PTPRD: variants seen among roughly 807,000 people sequenced by gnomAD.
The protein encoded by PTPRD is receptor-type tyrosine-protein phosphatase delta.
In PTPRD, 34 loss-of-function variants were observed where a neutral mutation model predicts 214.5. The ratio of observed to expected loss-of-function variants is 0.16; its 90% CI spans 0.12 to 0.21. The LOEUF (loss-of-function observed/expected upper bound fraction) is 0.21, where lower values mean the gene tolerates loss of function less well. PTPRD is among the 10% of genes least tolerant of loss of function. The pLI is 1.00. For synonymous variants in PTPRD, 1,128 were observed against 845.7 expected (o/e 1.33, Z -5.79); for missense variants, 2,545 against 2,398.7 (o/e 1.06, Z -1.27).
At chr9:9,949,912 A>C (rs534866498) in intron 4 of PTPRD, among the ~76,000 whole-genome samples, 302 of 152,172 alleles carry the variant, frequency 2.0e-3, no homozygotes, top group Non-Finnish European at 3.5e-3. Flanking sequence ...CAGTATTATC[A>C]AAAAATTTGT....
At chr9:9,066,067 A>G (rs1301481421) in intron 10 of PTPRD, among the ~76,000 whole-genome samples, 1 of 152,168 alleles carries the variant, frequency 6.6e-6, no homozygotes. Flanking sequence ...GGAGGGATTC[A>G]GTTTGTAAAT....
At chr9:9,889,051 G>A (rs774673946) in intron 5 of PTPRD, among the ~76,000 whole-genome samples, 7 of 152,250 alleles carry the variant, frequency 4.6e-5, no homozygotes, top group Admixed American at 1.3e-4. Context: ...TCACTCATAT[G>A]TGGAATCTAA....
At chr9:8,852,503 C>A (rs1033274360) in intron 11 of PTPRD, among the ~76,000 whole-genome samples, 3 of 152,042 alleles carry the variant, frequency 2.0e-5, no homozygotes, top group Non-Finnish European at 4.4e-5. Context: ...GCTGGAGGAG[C>A]CAAAGTGGGG....
At chr9:9,068,939 G>C (rs1453955958) in intron 10 of PTPRD, among the ~76,000 whole-genome samples, 1 of 151,926 alleles carries the variant, frequency 6.6e-6, no homozygotes, top group African/African-American at 2.4e-5. Context: ...GAAAATATTT[G>C]GACATCTGAA....
At chr9:10,478,723 T>A (rs572971053) in intron 2 of PTPRD, among the ~76,000 whole-genome samples, 10 of 151,416 alleles carry the variant, frequency 6.6e-5, no homozygotes, top group Non-Finnish European at 1.3e-4. Context: ...TATTCTGTAA[T>A]ATATATGTAT....
intron 8 of PTPRD, among the ~76,000 whole-genome samples, chr9:9,535,736 A>G (rs1283002167): frequency 6.6e-6 from 1 of 152,096 alleles, no homozygotes; most frequent in African/African-American, 2.4e-5. Context: ...GAAGTGTTAC[A>G]GAAAAACATT....
intron 10 of PTPRD, among the ~76,000 whole-genome samples, chr9:9,111,868 TACAAA>T (rs2099806571): frequency 6.6e-6 from 1 of 152,134 alleles, no homozygotes; most frequent in African/African-American, 2.4e-5. Context: ...CACTGCATGA[TACAAA>T]ACAAAACAAG....
At chr9:8,879,972 T>C (rs2098428421) in intron 11 of PTPRD, among the ~76,000 whole-genome samples, 1 of 152,230 alleles carries the variant, frequency 6.6e-6, no homozygotes, top group South Asian at 2.1e-4. Context: ...TCTCCCTCCC[T>C]GACTCCTTAA....
At chr9:10,571,023 G>A (rs1000647886) in intron 2 of PTPRD, among the ~76,000 whole-genome samples, 2 of 151,940 alleles carry the variant, frequency 1.3e-5, no homozygotes, top group African/African-American at 4.8e-5. Context: ...GCTGGTTTTT[G>A]TGGCATTTCC....
chr9:9,385,194 G>C (rs2140511236), intron 9 of PTPRD, among the ~76,000 whole-genome samples: 1 of 152,192 alleles, frequency 6.6e-6, no homozygotes, highest in South Asian at 2.1e-4. Context: ...TTGTCTGAAA[G>C]CCTTTAAAGT....
chr9:9,244,681 C>A (rs896447619), intron 9 of PTPRD, among the ~76,000 whole-genome samples: 1 of 152,074 alleles, frequency 6.6e-6, no homozygotes, highest in African/African-American at 2.4e-5. Flanking sequence ...ACCATAAAAA[C>A]CCTAGAAGAA....
intron 11 of PTPRD, among the ~76,000 whole-genome samples, chr9:8,764,256 G>A (rs2094573143): frequency 6.6e-6 from 1 of 152,102 alleles, no homozygotes; most frequent in East Asian, 1.9e-4. Flanking sequence ...TGAGCCATAT[G>A]TTTCATTACA....
chr9:8,570,714 G>A (rs1219224783), intron 14 of PTPRD, among the ~76,000 whole-genome samples: 1 of 152,010 alleles, frequency 6.6e-6, no homozygotes, highest in East Asian at 1.9e-4. Context: ...ATACAGATCT[G>A]CTCTTAAAAT....
At chr9:9,534,365 T>G (rs1020139198) in intron 8 of PTPRD, among the ~76,000 whole-genome samples, 11 of 152,032 alleles carry the variant, frequency 7.2e-5, no homozygotes, top group Non-Finnish European at 1.5e-4. Context: ...ATGGCAGCAT[T>G]TCTCATTTGG....
chr9:8,752,543 C>T (rs1211587454), intron 11 of PTPRD, among the ~76,000 whole-genome samples: 1 of 152,166 alleles, frequency 6.6e-6, no homozygotes, highest in Non-Finnish European at 1.5e-5. Context: ...CTTGCTTTCA[C>T]TTTACTCTAT....
intron 9 of PTPRD, among the ~76,000 whole-genome samples, chr9:9,240,724 T>A (rs1395347299): frequency 2.0e-5 from 3 of 152,198 alleles, no homozygotes; most frequent in African/African-American, 7.2e-5. Flanking sequence ...GTAATACGAA[T>A]GTTTCAAAAT....
intron 3 of PTPRD, among the ~76,000 whole-genome samples, chr9:10,304,635 T>C (rs1291147816): frequency 6.6e-6 from 1 of 152,004 alleles, no homozygotes; most frequent in Non-Finnish European, 1.5e-5. Context: ...GAGATTCAAA[T>C]CATGAGTGAA....
chr9:10,498,666 A>T (rs833441), intron 2 of PTPRD, among the ~76,000 whole-genome samples: 35,245 of 151,754 alleles, frequency 0.23, 4,398 homozygotes, highest in East Asian at 0.39. Context: ...AGGTAAGAAC[A>T]ATTGGTGTTG....
intron 3 of PTPRD, among the ~76,000 whole-genome samples, chr9:10,332,744 CTGCA>C (rs2096774169): frequency 6.6e-6 from 1 of 151,638 alleles, no homozygotes; most frequent in Admixed American, 6.6e-5. Context: ...AACAACAGAG[CTGCA>C]TTCTGAACTC....
Sources: gnomAD v4.1 joint callset for allele counts (sites outside exome capture counted in the v4.1 genomes callset) on GRCh38, gnomAD v4.1.1 for gene constraint, MANE v1.5 for transcripts, NCBI Gene and HGNC (gene_info 2026-07-23, HGNC 2026-07-21) for gene names.